The following MSRA variants were observed in gnomAD, a reference collection of about 807,000 sequenced individuals.
MSRA encodes methionine sulfoxide reductase A, also known as mitochondrial peptide methionine sulfoxide reductase.
MSRA carries 54 observed loss-of-function variants against 31.3 expected under a neutral mutation model. That is an observed-to-expected ratio of 1.73 (90% CI 1.39 to 2.17). MSRA has a LOEUF of 2.17. Among genes scored for constraint, MSRA ranks in the 30% most tolerant of loss-of-function variants. The probability of loss-of-function intolerance (pLI) is 0.00; values close to 1 mark genes in which losing one functional copy is unlikely to be tolerated. For missense variants in MSRA, 507 were observed against 300.9 expected (o/e 1.69, Z -5.07); for synonymous variants, 169 against 116.5 (o/e 1.45, Z -2.90).
chr8:10,166,606 C>T (rs897268883), intron 1 of MSRA, among the ~76,000 whole-genome samples: 6 of 152,088 alleles, frequency 3.9e-5, no homozygotes, highest in African/African-American at 1.2e-4. Flanking sequence ...ATATAACAAG[C>T]GACTTTGTCT....
At chr8:10,068,510 A>G (rs1797572086) in intron 1 of MSRA, among the ~76,000 whole-genome samples, 1 of 152,090 alleles carries the variant, frequency 6.6e-6, no homozygotes, top group African/African-American at 2.4e-5. Flanking sequence ...CTGTGTCTAG[A>G]TTTATTTTTG....
chr8:10,060,057 C>G (rs745835720), intron 1 of MSRA, among the ~76,000 whole-genome samples: 28 of 150,600 alleles, frequency 1.9e-4, no homozygotes, highest in African/African-American at 3.4e-4. Flanking sequence ...TTGGTTGTAT[C>G]TATCAAAAAT....
At chr8:10,241,473 A>T (rs1209371740) in intron 2 of MSRA, among the ~76,000 whole-genome samples, 1 of 152,216 alleles carries the variant, frequency 6.6e-6, no homozygotes, top group Non-Finnish European at 1.5e-5. Flanking sequence ...AGCCTGGGAG[A>T]TAGCAAGTTC....
chr8:10,059,836 C>T (rs900875683), intron 1 of MSRA, among the ~76,000 whole-genome samples: 16 of 152,120 alleles, frequency 1.1e-4, no homozygotes, highest in Admixed American at 2.0e-4. Flanking sequence ...ATGAACAGAC[C>T]GTTTACAGAA....
At chr8:10,113,040 C>G (rs1372523769) in intron 1 of MSRA, among the ~76,000 whole-genome samples, 1 of 152,140 alleles carries the variant, frequency 6.6e-6, no homozygotes, top group Non-Finnish European at 1.5e-5. Context: ...TATTCTCTGT[C>G]TGCAGCTCCA....
intron 2 of MSRA, among the ~76,000 whole-genome samples, chr8:10,242,024 C>T (rs1460105804): frequency 6.6e-6 from 1 of 152,114 alleles, no homozygotes; most frequent in Non-Finnish European, 1.5e-5. Context: ...GTAATCCCAG[C>T]ACTTTGGGAG....
At chr8:10,130,926 C>G (rs1005814414) in intron 1 of MSRA, among the ~76,000 whole-genome samples, 6 of 152,124 alleles carry the variant, frequency 3.9e-5, no homozygotes, top group African/African-American at 1.2e-4. Flanking sequence ...GATATAAAAC[C>G]TTTCTTATAG....
chr8:10,092,039 C>A (rs1240925856), intron 1 of MSRA, among the ~76,000 whole-genome samples: 1 of 151,998 alleles, frequency 6.6e-6, no homozygotes, highest in Admixed American at 6.6e-5. Flanking sequence ...TTTTGTTGAT[C>A]TTTTTCATAA....
At position 10,213,109 on chromosome 8, in the gene MSRA, A is replaced by C. The variant is rs1000488955; in HGVS notation, c.211+5208A>C. 2.6e-5 allele frequency among the ~76,000 whole-genome samples: 4 copies of C among 152,288 alleles called. No individual in the cohort carries two copies. In the East Asian group the frequency reaches 7.7e-4, roughly 29 times the overall value. ...CTACTAACTATAGTCACCCTGTTGT[A>C]CTATCAAATGCTAGGTCTCATTCAT... is the stretch of plus-strand genomic sequence containing the variant. On this transcript the variant is annotated intron_variant, in intron 2 of 5. Transcript: ENST00000317173.
At chr8:10,354,482 CAGGTA>C (rs1196494352) in intron 5 of MSRA, among the ~76,000 whole-genome samples, 2 of 152,142 alleles carry the variant, frequency 1.3e-5, no homozygotes, top group Non-Finnish European at 2.9e-5. Flanking sequence ...TAGTGGAAAA[CAGGTA>C]AGACAATAAT....
intron 2 of MSRA, among the ~76,000 whole-genome samples, chr8:10,224,367 C>G (rs552368992): frequency 1.3e-5 from 2 of 152,204 alleles, no homozygotes; most frequent in South Asian, 4.2e-4. Context: ...TTGAAGAAAC[C>G]AGATTGAAGT....
intron 1 of MSRA, among the ~76,000 whole-genome samples, chr8:10,167,283 A>C (rs1041769625): frequency 6.6e-6 from 1 of 152,204 alleles, no homozygotes; most frequent in African/African-American, 2.4e-5. Context: ...AAGGCAGCCG[A>C]TACTGCTCTG....
At chr8:10,366,462 G>A (rs1349466963) in intron 5 of MSRA, among the ~76,000 whole-genome samples, 1 of 152,248 alleles carries the variant, frequency 6.6e-6, no homozygotes, top group African/African-American at 2.4e-5. Flanking sequence ...GGGGACAATG[G>A]CAAGCATTAC....
At chr8:10,237,449 T>C (rs151096612) in intron 2 of MSRA, among the ~76,000 whole-genome samples, 122 of 152,372 alleles carry the variant, frequency 8.0e-4, no homozygotes, top group African/African-American at 2.8e-3. Flanking sequence ...AAATTACTAA[T>C]ATGACAAAAT....
chr8:10,313,066 C>G (rs1300708068), intron 4 of MSRA, among the ~76,000 whole-genome samples: 2 of 152,134 alleles, frequency 1.3e-5, no homozygotes, highest in African/African-American at 2.4e-5. Context: ...CACTAGATAC[C>G]TATTTATCTT....
At chr8:10,127,128 G>T (rs1045046869) in intron 1 of MSRA, among the ~76,000 whole-genome samples, 2 of 152,184 alleles carry the variant, frequency 1.3e-5, no homozygotes, top group East Asian at 3.9e-4. Flanking sequence ...GCAAACTCTG[G>T]TGTGCTTGGT....
At chr8:10,285,965 G>C (rs921901567) in intron 3 of MSRA, among the ~76,000 whole-genome samples, 1 of 151,980 alleles carries the variant, frequency 6.6e-6, no homozygotes, top group African/African-American at 2.4e-5. Context: ...AACCAGTTTG[G>C]GAACAGTCAC....
intron 5 of MSRA, among the ~76,000 whole-genome samples, chr8:10,352,410 A>G (rs1456301556): frequency 1.3e-5 from 2 of 152,156 alleles, no homozygotes; most frequent in African/African-American, 2.4e-5. Context: ...TGGGACTACA[A>G]GTTCAGCTTG....
At chr8:10,224,395 A>C (rs1810807277) in intron 2 of MSRA, among the ~76,000 whole-genome samples, 1 of 152,172 alleles carries the variant, frequency 6.6e-6, no homozygotes, top group African/African-American at 2.4e-5. Flanking sequence ...TACAGCCCAC[A>C]CACCTCTTCA....
Sources: gnomAD v4.1 joint callset for allele counts (sites outside exome capture counted in the v4.1 genomes callset) on GRCh38, gnomAD v4.1.1 for gene constraint, MANE v1.5 for transcripts, NCBI Gene and HGNC (gene_info 2026-07-23, HGNC 2026-07-21) for gene names.